Variants in LRP1B observed in about 807,000 individuals in gnomAD.
LRP1B encodes the protein LDL receptor related protein 1B, also known as low-density lipoprotein receptor-related protein 1B.
A neutral mutation model predicts 556.6 loss-of-function variants in LRP1B; 217 were observed. That is an observed-to-expected ratio of 0.39 (90% CI 0.35 to 0.44). The LOEUF is 0.44. LRP1B is among the 20% of genes least tolerant of loss of function. The pLI is 1.00. For missense variants in LRP1B, 5,053 were observed against 5,620.8 expected (o/e 0.90, Z 3.23); for synonymous variants, 2,047 against 1,865.8 (o/e 1.10, Z -2.50).
intron 2 of LRP1B, among the ~76,000 whole-genome samples, chr2:141,726,365 T>C (rs779012210): frequency 2.0e-5 from 3 of 151,868 alleles, no homozygotes; most frequent in Non-Finnish European, 4.4e-5. Context: ...TAAACATATA[T>C]AATTTTTTCT....
At chr2:141,726,304 G>A (rs944138868) in intron 2 of LRP1B, among the ~76,000 whole-genome samples, 9 of 150,252 alleles carry the variant, frequency 6.0e-5, no homozygotes, top group African/African-American at 2.2e-4. Flanking sequence ...ATAATCTCTG[G>A]GTAAGAGGTA....
chr2:140,305,092 T>C (rs1684009477), intron 83 of LRP1B, among the ~76,000 whole-genome samples: 1 of 152,228 alleles, frequency 6.6e-6, no homozygotes, highest in Non-Finnish European at 1.5e-5. Flanking sequence ...GGTAGTGTGA[T>C]GCCTCCAGCT....
At chr2:140,706,470 A>C (rs1369638680) in intron 37 of LRP1B, among the ~76,000 whole-genome samples, 1 of 152,148 alleles carries the variant, frequency 6.6e-6, no homozygotes, top group African/African-American at 2.4e-5. Context: ...TTATTTAAAT[A>C]AGCTTGCACT....
chr2:140,782,638 AT>A (rs1689740258), intron 32 of LRP1B, among the ~76,000 whole-genome samples: 1 of 152,180 alleles, frequency 6.6e-6, no homozygotes, highest in Non-Finnish European at 1.5e-5. Flanking sequence ...TATTACAGGA[AT>A]TAATGGATTA....
intron 2 of LRP1B, among the ~76,000 whole-genome samples, chr2:141,498,552 C>T (rs1474047039): frequency 6.6e-6 from 1 of 151,824 alleles, no homozygotes; most frequent in Non-Finnish European, 1.5e-5. Context: ...ATAATGTTCA[C>T]GATCTATTAT....
chr2:141,641,697 A>G (rs1689343557), intron 2 of LRP1B, among the ~76,000 whole-genome samples: 1 of 152,156 alleles, frequency 6.6e-6, no homozygotes, highest in Non-Finnish European at 1.5e-5. Context: ...AGCCTCTAAT[A>G]TTACCAGACT....
intron 41 of LRP1B, among the ~76,000 whole-genome samples, chr2:140,676,634 G>T (rs1685681120): frequency 1.3e-5 from 2 of 152,156 alleles, no homozygotes; most frequent in Admixed American, 1.3e-4. Flanking sequence ...AACAGGAGGA[G>T]AAATTGAGAC....
chr2:140,921,219 G>A (rs938954407), intron 21 of LRP1B, among the ~76,000 whole-genome samples: 2 of 151,720 alleles, frequency 1.3e-5, no homozygotes, highest in Middle Eastern at 3.2e-3. Context: ...TTTCTGTATA[G>A]AGAAATTGCA....
At chr2:140,902,208 A>G (rs191260727) in intron 23 of LRP1B, among the ~76,000 whole-genome samples, 1 of 152,236 alleles carries the variant, frequency 6.6e-6, no homozygotes, top group East Asian at 1.9e-4. Context: ...TTTCCTGTGG[A>G]CTCAGACTAA....
rs532217439 is a variant in LRP1B at position 141,184,349 on chromosome 2, C to T, written c.1013+4072G>A. Among the ~76,000 whole-genome samples the T allele has an allele frequency of 1.6e-4, 24 of 152,038 alleles. No homozygotes were observed. In the South Asian group the frequency reaches 5.0e-3, roughly 32 times the overall value. On this transcript the variant is annotated intron_variant, in intron 7 of 90. Coordinates refer to ENST00000389484, the MANE Select transcript of LRP1B (RefSeq NM_018557.3). ...TTGAGAAAACAGCAGAAGCAGATGT[C>T]CCTTCTCCCCTGATGCAGGCCATCA...
intron 1 of LRP1B, among the ~76,000 whole-genome samples, chr2:142,107,573 G>A (rs1706793449): frequency 6.6e-6 from 1 of 152,026 alleles, no homozygotes; most frequent in Non-Finnish European, 1.5e-5. Context: ...AATGGGCTAA[G>A]ACAGTTGTTC....
chr2:142,120,720 A>G (rs141575729), intron 1 of LRP1B, among the ~76,000 whole-genome samples: 2 of 152,306 alleles, frequency 1.3e-5, no homozygotes, highest in African/African-American at 2.4e-5. Flanking sequence ...ATACTTGTCA[A>G]TGCTTAAAAC....
chr2:140,863,368 G>T (rs538663727), intron 27 of LRP1B, among the ~76,000 whole-genome samples: 1 of 151,992 alleles, frequency 6.6e-6, no homozygotes. Flanking sequence ...TATCCCCTGG[G>T]AATTTGTTAA....
At chr2:141,189,860 T>C (rs1325539118) in intron 6 of LRP1B, among the ~76,000 whole-genome samples, 1 of 151,826 alleles carries the variant, frequency 6.6e-6, no homozygotes, top group Non-Finnish European at 1.5e-5. Context: ...GACTGCAAAG[T>C]ACCTGGGGAG....
At position 140,454,834 on chromosome 2, in the gene LRP1B, C is replaced by T. The variant is rs185009415; in HGVS notation, c.9963+1621G>A. Among the ~76,000 whole-genome samples, 7 of 152,100 alleles carry T rather than the reference C, an allele frequency of 4.6e-5. 1 individual carries two copies. In the East Asian group the frequency reaches 1.2e-3, roughly 25 times the overall value. ...CTGATGTTTTATTCTCTGTGCCTTG[C>T]TATTTGAGATGTTCATCTGTGCTTC... is the stretch of plus-strand genomic sequence containing the variant. On this transcript the variant is annotated intron_variant, in intron 62 of 90. Coordinates refer to ENST00000389484, the MANE Select transcript of LRP1B (RefSeq NM_018557.3).
chr2:141,450,882 C>A (rs1365386311), intron 3 of LRP1B, among the ~76,000 whole-genome samples: 1 of 151,988 alleles, frequency 6.6e-6, no homozygotes, highest in African/African-American at 2.4e-5. Flanking sequence ...GACAATTATG[C>A]CCTAGGGTCG....
intron 41 of LRP1B, among the ~76,000 whole-genome samples, chr2:140,621,465 T>C (rs924340957): frequency 7.0e-6 from 1 of 143,396 alleles, no homozygotes; most frequent in South Asian, 2.2e-4. Flanking sequence ...GACAGAGATA[T>C]AAGGAAACAA....
chr2:141,207,164 A>T (rs1200884117), intron 6 of LRP1B, among the ~76,000 whole-genome samples: 1 of 152,168 alleles, frequency 6.6e-6, no homozygotes, highest in African/African-American at 2.4e-5. Flanking sequence ...ATCTCATTTA[A>T]CAATTTTAAG....
chr2:141,127,799 A>G (rs1701252680), intron 7 of LRP1B, among the ~76,000 whole-genome samples: 1 of 152,022 alleles, frequency 6.6e-6, no homozygotes. Flanking sequence ...TAAGAGTCTC[A>G]TTTTACTTTT....
Sources: allele counts gnomAD v4.1 joint callset (sites outside exome capture counted in the v4.1 genomes callset), GRCh38; gene constraint gnomAD v4.1.1; transcripts MANE v1.5; gene names NCBI Gene and HGNC (gene_info 2026-07-23, HGNC 2026-07-21).